Variants in RTTN observed in about 807,000 individuals in gnomAD.
RTTN encodes the protein rotatin.
In RTTN, 182 loss-of-function variants were observed where a neutral mutation model predicts 269.2. The ratio of observed to expected loss-of-function variants is 0.68; its 90% CI spans 0.60 to 0.76. The LOEUF is 0.76. RTTN is among the 30% of genes least tolerant of loss of function. The pLI, the probability that RTTN is intolerant of heterozygous loss-of-function variation, is 0.00. For synonymous variants in RTTN, 1,006 were observed against 963.5 expected (o/e 1.04, Z -0.82); for missense variants, 2,545 against 2,608.6 (o/e 0.98, Z 0.53).
intron 28 of RTTN, among the ~76,000 whole-genome samples, chr18:70,106,568 A>C: frequency 6.6e-6 from 1 of 152,178 alleles, no homozygotes; most frequent in East Asian, 1.9e-4. Context: ...TATGTGAAAG[A>C]AGCAGTCTTT....
chr18:70,148,944 G>A lies in RTTN; in HGVS notation c.2266C>T (p.Arg756Ter), dbSNP rs375144142. 9.9e-6 allele frequency: 16 copies of A among 1,613,342 alleles called. No individual in the cohort carries two copies. Among genetic ancestry groups the A allele is most frequent in the East Asian group, 2.2e-5 (1 of 44,872 alleles). ...AAAAGTCGCAGCATGGACTTTAATC[G>A]GGTAGTACACGGAAGCATCTCTTCT... The part of the protein sequence containing the change: ...DTEEMLPCTT[R>*]LKSMLRLLLV... Residue 756 changes from arginine to a stop codon, truncating the protein, a stop_gained, in exon 17 of 49, where the codon CGA becomes TGA. Coordinates refer to ENST00000640769, the MANE Select transcript of RTTN (RefSeq NM_173630.4). LOFTEE classifies it high-confidence loss of function.
chr18:70,117,096 G>C (rs1416459680), intron 26 of RTTN, among the ~76,000 whole-genome samples: 1 of 152,090 alleles, frequency 6.6e-6, no homozygotes, highest in Admixed American at 6.6e-5. Flanking sequence ...TTTCACAAGA[G>C]AAAGTTCCTA....
In RTTN at chr18:70,060,837, A is replaced by G. The variant is rs372113398; in HGVS notation, c.4748-795T>C. On this transcript the variant is annotated intron_variant, in intron 35 of 48. Transcript: ENST00000640769. Reference sequence around the variant, plus strand: ...AACTTTTTTTTTTTTTAGTTCCCAAATATGAGTTGCAATATTTGTCTTTCT... The same window carrying G: ...AACTTTTTTTTTTTTTAGTTCCCAAGTATGAGTTGCAATATTTGTCTTTCT... Among the ~76,000 whole-genome samples the G allele has an allele frequency of 5.0e-4, 76 of 152,112 alleles. 1 individual carries two copies. The South Asian group carries it at 0.016, about 31-fold the overall frequency.
At chr18:70,058,670 A>G (rs1293249896) in intron 36 of RTTN, among the ~76,000 whole-genome samples, 1 of 152,212 alleles carries the variant, frequency 6.6e-6, no homozygotes, top group Admixed American at 6.5e-5. Context: ...TCAGACTCTT[A>G]GCTGACTCGT....
At position 70,196,562 on chromosome 18, in the gene RTTN, G is replaced by A. The variant is rs752346295; in HGVS notation, c.780C>T (p.Cys260=). 2.4e-5 allele frequency: 38 copies of A among 1,613,358 alleles called. 1 individual carries two copies. The Admixed American group carries it at 5.8e-4, about 25-fold the overall frequency. The part of the protein sequence containing the change: ...LQSVSCLQQL[C]MYLRNRLNFH... ...AGTTAAGTCTGTTTCTTAAATACATGCACAGCTGCTGCAGGCAGGACACCG... is the reference window on the plus strand; with the variant it reads ...AGTTAAGTCTGTTTCTTAAATACATACACAGCTGCTGCAGGCAGGACACCG... The change falls in exon 7 of 49, where the codon TGC becomes TGT. Residue 260 remains cysteine (C), a synonymous_variant. Transcript: ENST00000640769.
At chr18:70,154,386 ATTT>A (rs1346560093) in intron 14 of RTTN, among the ~76,000 whole-genome samples, 1 of 152,106 alleles carries the variant, frequency 6.6e-6, no homozygotes, top group Non-Finnish European at 1.5e-5. Flanking sequence ...ATCTGCAAAA[ATTT>A]TTATTTCCAA....
At chr18:70,192,607 G>T (rs537321919) in intron 8 of RTTN, among the ~76,000 whole-genome samples, 2 of 141,616 alleles carry the variant, frequency 1.4e-5, no homozygotes, top group Admixed American at 1.5e-4. Flanking sequence ...CTTGAGCCCA[G>T]AAGTCAAGGC....
At chr18:70,057,957 C>T (rs961216245) in intron 36 of RTTN, 125 bp from the exon 37 acceptor site, 4 of 567,674 alleles carry the variant, frequency 7.0e-6, no homozygotes. Context: ...TCTTTATAAG[C>T]AAAGAAAATG....
At chr18:70,191,403 C>T (rs1023144489) in intron 8 of RTTN, among the ~76,000 whole-genome samples, 2 of 152,062 alleles carry the variant, frequency 1.3e-5, no homozygotes, top group Non-Finnish European at 2.9e-5. Flanking sequence ...TAGTTCATAC[C>T]GTTTCCTAGA....
chr18:70,050,326 C>T (rs2057624696), intron 39 of RTTN, among the ~76,000 whole-genome samples: 1 of 152,124 alleles, frequency 6.6e-6, no homozygotes, highest in African/African-American at 2.4e-5. Context: ...AAAAAAAACC[C>T]ATCATCACTG....
chr18:70,018,804 T>C (rs2056616017), intron 45 of RTTN, among the ~76,000 whole-genome samples: 1 of 143,004 alleles, frequency 7.0e-6, no homozygotes, highest in Non-Finnish European at 1.5e-5. Flanking sequence ...TGCTCTCAAA[T>C]ATAAATGTGC....
chr18:70,061,493 T>A, intron 35 of RTTN: 1 of 452,942 alleles, frequency 2.2e-6, no homozygotes, highest in Non-Finnish European at 4.4e-6. Context: ...CTAGAAAACG[T>A]GTGTGTATAT....
Position 70,042,120 on chromosome 18 carries a change from GAAA to G in RTTN, c.5541+5848_5541+5850del, listed in dbSNP as rs148218150. ...AGACAGCAAAGAGAGATTACATAGCGAAAAAAAAAAACTTCACAGGAGTTCCAA... is the reference window on the plus strand; with the variant it reads ...AGACAGCAAAGAGAGATTACATAGCGAAAAAAAACTTCACAGGAGTTCCAA... On this transcript the variant is annotated intron_variant, in intron 40 of 48. Coordinates refer to ENST00000640769, the MANE Select transcript of RTTN (RefSeq NM_173630.4). Among the ~76,000 whole-genome samples the G allele has an allele frequency of 4.5e-3, 640 of 142,782 alleles. 28 individuals are homozygous for G. The East Asian group carries it at 0.1, about 22-fold the overall frequency. The allele number at this position is 142,782 out of a possible 152,430, so 93.7% of individuals were successfully genotyped here.
intron 25 of RTTN, among the ~76,000 whole-genome samples, chr18:70,121,917 A>C (rs1002427956): frequency 6.6e-6 from 1 of 152,204 alleles, no homozygotes; most frequent in Non-Finnish European, 1.5e-5. Context: ...CAAGTAACTA[A>C]AATAACTAGA....
chr18:70,096,595 A>T (rs1437210245), intron 28 of RTTN, among the ~76,000 whole-genome samples: 1 of 152,204 alleles, frequency 6.6e-6, no homozygotes, highest in Non-Finnish European at 1.5e-5. Flanking sequence ...GGTCCACTCC[A>T]GACCCTGTTT....
chr18:70,021,486 C>A (rs1687227119), intron 44 of RTTN, among the ~76,000 whole-genome samples: 1 of 152,016 alleles, frequency 6.6e-6, no homozygotes, highest in Non-Finnish European at 1.5e-5. Flanking sequence ...AAAGTTCATA[C>A]GAGGAGGCCA....
intron 23 of RTTN, chr18:70,131,278 C>A (rs191224682): frequency 6.6e-6 from 1 of 150,646 alleles, no homozygotes; most frequent in African/African-American, 2.4e-5. Context: ...GTAACAGAAA[C>A]GACCACGGTA....
chr18:70,183,636 G>A (rs189058253), intron 10 of RTTN, among the ~76,000 whole-genome samples: 1 of 152,194 alleles, frequency 6.6e-6, no homozygotes, highest in Admixed American at 6.5e-5. Context: ...AACATTCTTT[G>A]TTGTGGTGAG....
At chr18:70,115,473 A>G (rs998077835) in intron 26 of RTTN, among the ~76,000 whole-genome samples, 4 of 151,872 alleles carry the variant, frequency 2.6e-5, no homozygotes, top group African/African-American at 9.7e-5. Flanking sequence ...GCATTAATAG[A>G]TATATGGGAT....
Sources: gnomAD v4.1 joint callset for allele counts (sites outside exome capture counted in the v4.1 genomes callset) on GRCh38, gnomAD v4.1.1 for gene constraint, MANE v1.5 for transcripts, NCBI Gene and HGNC (gene_info 2026-07-23, HGNC 2026-07-21) for gene names.